The following TMBIM4 variants were observed in gnomAD, a reference collection of about 807,000 sequenced individuals.
TMBIM4 encodes transmembrane BAX inhibitor motif containing 4, also known as protein lifeguard 4.
Under a neutral mutation model 27.7 loss-of-function variants are expected in TMBIM4, and 28 were observed. The observed-to-expected ratio is 1.01, with a 90% CI of 0.75 to 1.38. The LOEUF (loss-of-function observed/expected upper bound fraction) is 1.38. TMBIM4 is among the 40% of genes most tolerant of loss of function. The pLI is 0.00. For synonymous variants in TMBIM4, 115 were observed against 113.1 expected, an observed-to-expected ratio of 1.02 and a Z score of -0.11; for missense variants, 265 against 277.5, an observed-to-expected ratio of 0.95 and a Z score of 0.32.
At chr12:66,138,820 C>A in intron 5 of TMBIM4, 51 bp from the exon 6 acceptor site, 1 of 1,425,384 alleles carries the variant, frequency 7.0e-7, no homozygotes, top group Non-Finnish European at 9.2e-7. Flanking sequence ...TACAAAAAAA[C>A]TTTGTAAACC....
chr12:66,157,874 C>T (rs755115617), intron 1 of TMBIM4, among the ~76,000 whole-genome samples: 18 of 152,120 alleles, frequency 1.2e-4, no homozygotes, highest in Non-Finnish European at 2.6e-4. Flanking sequence ...TTGAATGTAC[C>T]TGCTGGCTTC....
intron 5 of TMBIM4, among the ~76,000 whole-genome samples, chr12:66,144,474 T>C (rs1323138679): frequency 1.3e-5 from 2 of 152,114 alleles, no homozygotes; most frequent in African/African-American, 2.4e-5. Context: ...CAGGGGTAAA[T>C]TGCGGGGTGG....
In TMBIM4 at chr12:66,136,072, A is replaced by T. The variant is rs1237238054; in HGVS notation, c.*1888T>A. 6.2e-5 allele frequency: 3 copies of T among 48,400 alleles called. No individual in the cohort carries two copies. Among genetic ancestry groups the T allele is most frequent in the African/African-American group, 9.8e-5 (2 of 20,356 alleles). 3.0% of individuals were successfully genotyped at this position (48,400 alleles called of 1,614,324 possible). Reference sequence around the variant, plus strand: ...AGAATTATCAATAAAAAAATAAATTAAAAAAAAAAAAAAAAAAAAAAAAAG... The same window carrying T: ...AGAATTATCAATAAAAAAATAAATTTAAAAAAAAAAAAAAAAAAAAAAAAG... On this transcript the variant is annotated 3_prime_UTR_variant, in exon 7 of 7. Coordinates refer to ENST00000358230, the MANE Select transcript of TMBIM4 (RefSeq NM_016056.4).
intron 1 of TMBIM4, among the ~76,000 whole-genome samples, chr12:66,155,865 T>C (rs2051927602): frequency 6.6e-6 from 1 of 152,240 alleles, no homozygotes; most frequent in Non-Finnish European, 1.5e-5. Flanking sequence ...CAGGTGTTCG[T>C]ATACCCTGGG....
chr12:66,166,923 A>T (rs140412870), intron 1 of TMBIM4, among the ~76,000 whole-genome samples: 1 of 152,246 alleles, frequency 6.6e-6, no homozygotes, highest in African/African-American at 2.4e-5. Flanking sequence ...ATAAACTGTA[A>T]TGCATCCAAA....
chr12:66,139,069 G>A (rs1398485299), intron 5 of TMBIM4: 2 of 216,572 alleles, frequency 9.2e-6, no homozygotes, highest in Non-Finnish European at 8.9e-6. Flanking sequence ...ATCATTACAA[G>A]TATTTTAATT....
chr12:66,153,318 C>A, intron 2 of TMBIM4, 22 bp downstream of exon 2: 1 of 1,333,806 alleles, frequency 7.5e-7, no homozygotes, highest in South Asian at 1.3e-5. Flanking sequence ...GAAAATTATT[C>A]ATTACCATCT....
At chr12:66,149,261 C>A (rs2051802157) in intron 3 of TMBIM4, among the ~76,000 whole-genome samples, 1 of 151,354 alleles carries the variant, frequency 6.6e-6, no homozygotes, top group Non-Finnish European at 1.5e-5. Context: ...GGTGACACAG[C>A]AAAACCCCCT....
At chr12:66,141,470 CA>C (rs1352449710) in intron 5 of TMBIM4, among the ~76,000 whole-genome samples, 2 of 151,852 alleles carry the variant, frequency 1.3e-5, no homozygotes, top group Non-Finnish European at 2.9e-5. Flanking sequence ...AAGATAAACA[CA>C]ACCATCTTAA....
At chr12:66,143,637 A>G (rs368656789) in intron 5 of TMBIM4, among the ~76,000 whole-genome samples, 17 of 152,180 alleles carry the variant, frequency 1.1e-4, no homozygotes, top group African/African-American at 3.4e-4. Context: ...ATGATGTTGT[A>G]AAAACATCAC....
At chr12:66,145,460 T>A (rs2051735912) in intron 5 of TMBIM4, 1 of 158,572 alleles carries the variant, frequency 6.3e-6, no homozygotes, top group Admixed American at 6.2e-5. Flanking sequence ...ACCCTTTCAA[T>A]ACCTGTACTA....
chr12:66,152,337 AC>A lies in TMBIM4; in HGVS notation c.245del (p.Gly82ValfsTer2), dbSNP rs1252924248. 1.6e-5 allele frequency: 25 copies of A among 1,610,526 alleles called. No individual in the cohort carries two copies. Among genetic ancestry groups the A allele is most frequent in the Non-Finnish European group, 2.1e-5 (25 of 1,177,916 alleles). ...LILLFALGSL[G>X]LIFALILNRH... ...TGTTTAAAATCAACGCAAAAATCAA[AC>A]CCAGAGATCCGAGGGCAAACAGCAA... On this transcript the variant is annotated frameshift_variant, in exon 3 of 7. Transcript: ENST00000358230. LOFTEE classifies it high-confidence loss of function.
intron 5 of TMBIM4, among the ~76,000 whole-genome samples, chr12:66,141,365 T>C (rs887692510): frequency 1.3e-5 from 2 of 152,140 alleles, no homozygotes; most frequent in Non-Finnish European, 2.9e-5. Flanking sequence ...TAAAATGGTA[T>C]ATTATTTGAG....
chr12:66,166,464 CAAAAAAAAA>C (rs59822799), intron 1 of TMBIM4, among the ~76,000 whole-genome samples: 6 of 100,698 alleles, frequency 6.0e-5, no homozygotes, highest in Non-Finnish European at 1.0e-4. Flanking sequence ...TACTTTGTCT[CAAAAAAAAA>C]AAAAAAAAAA....
intron 5 of TMBIM4, chr12:66,145,403 G>A (rs1207440789): frequency 6.5e-6 from 1 of 152,710 alleles, no homozygotes; most frequent in Non-Finnish European, 1.5e-5. Flanking sequence ...TTTGAGGAAG[G>A]ATACAGGTTA....
chr12:66,153,632 A>G (rs2051887868), intron 1 of TMBIM4, among the ~76,000 whole-genome samples, 184 bp from the exon 2 acceptor site: 1 of 152,162 alleles, frequency 6.6e-6, no homozygotes, highest in African/African-American at 2.4e-5. Context: ...TAAAAATTGT[A>G]AGAGATATCT....
intron 3 of TMBIM4, among the ~76,000 whole-genome samples, chr12:66,150,243 T>C (rs182696346): frequency 3.9e-5 from 6 of 152,238 alleles, no homozygotes; most frequent in East Asian, 3.9e-4. Context: ...ATACTTCCTC[T>C]TTCCTGAGAC....
chr12:66,152,326 G>A lies in TMBIM4; in HGVS notation c.257C>T (p.Ala86Val), dbSNP rs779549615. Residue 86 changes from alanine (A) to valine (V), a missense_variant, in exon 3 of 7, where the codon GCG becomes GTG. Transcript: ENST00000358230. ...FALGSLGLIFALILNRHKYPL... is the reference protein window; with the variant it reads ...FALGSLGLIFVLILNRHKYPL... ...ATACTTATGTCTGTTTAAAATCAAC[G>A]CAAAAATCAAACCCAGAGATCCGAG... 2.2e-5 allele frequency: 35 copies of A among 1,610,032 alleles called. No individual in the cohort carries two copies. In the African/African-American group the frequency reaches 4.1e-4, roughly 19 times the overall value.
chr12:66,167,500 G>A (rs1039342966), intron 1 of TMBIM4, among the ~76,000 whole-genome samples: 1 of 152,184 alleles, frequency 6.6e-6, no homozygotes, highest in Non-Finnish European at 1.5e-5. Flanking sequence ...CTTTTAAAAT[G>A]TGCAACATCA....
Sources: gnomAD v4.1 joint callset for allele counts (sites outside exome capture counted in the v4.1 genomes callset) on GRCh38, gnomAD v4.1.1 for gene constraint, MANE v1.5 for transcripts, NCBI Gene and HGNC (gene_info 2026-07-23, HGNC 2026-07-21) for gene names.